Variants in NRK observed in about 807,000 individuals in gnomAD.
NRK encodes the protein nik-related protein kinase.
A neutral mutation model predicts 125.2 loss-of-function variants in NRK; 67 were observed. The ratio of observed to expected loss-of-function variants is 0.54; its 90% CI spans 0.44 to 0.66. The LOEUF (loss-of-function observed/expected upper bound fraction) is 0.66, where lower values mean the gene tolerates loss of function less well. Ranked by LOEUF, NRK falls within the 30% of genes least tolerant of loss-of-function variation. The pLI is 0.00. For missense variants in NRK, 1,224 were observed against 1,192.9 expected (o/e 1.03, Z -0.38); for synonymous variants, 458 against 429.0 (o/e 1.07, Z -0.84).
rs1342659479 is a variant in NRK at position 105,905,327 on chromosome X, G to A, written c.829G>A (p.Val277Ile). The A allele has an allele frequency of 8.4e-7, 1 of 1,192,108 alleles. No individual in the cohort carries two copies. Among genetic ancestry groups the A allele is most frequent in the Non-Finnish European group, 1.1e-6 (1 of 878,737 alleles). ...TATTTTGCGGGAATCTGCTCCCACA[G>A]TCAAATCCAGCGGATGGTAAAGATG... Reference protein sequence around the residue: ...FVILRESAPTVKSSGWSRKFH... With the variant: ...FVILRESAPTIKSSGWSRKFH... The change falls in exon 10 of 29, where the codon GTC (valine) becomes ATC (isoleucine). Residue 277 changes from valine (V) to isoleucine (I), a missense_variant. By Grantham distance (29) the Val-to-Ile change is conservative. Coordinates refer to ENST00000243300, the MANE Select transcript of NRK (RefSeq NM_198465.4).
intron 2 of NRK, among the ~76,000 whole-genome samples, chrX:105,842,504 A>G (rs940827297): frequency 2.7e-5 from 3 of 112,257 alleles, no homozygotes; most frequent in African/African-American, 9.7e-5. Flanking sequence ...AATGAAAGTT[A>G]GTGCTTTGCT....
intron 7 of NRK, 121 bp from the exon 8 acceptor site, chrX:105,898,463 A>G (rs1447130092): frequency 1.7e-6 from 1 of 585,630 alleles, no homozygotes; most frequent in African/African-American, 2.4e-5. Flanking sequence ...AAAGTTTGCT[A>G]GGCTGGAATG....
At chrX:105,948,437 G>A in intron 26 of NRK, 1 of 296,320 alleles carries the variant, frequency 3.4e-6, no homozygotes, top group Non-Finnish European at 5.8e-6. Context: ...AAGAGTGCTA[G>A]ATTACAAAAG....
rs747324162 is a variant in NRK, at chrX:105,909,680, A to T, written c.2039A>T (p.Gln680Leu). 2 of 1,189,697 alleles carry T rather than the reference A, an allele frequency of 1.7e-6. No individual in the cohort carries two copies. Among genetic ancestry groups the T allele is most frequent in the Admixed American group, 2.3e-5 (1 of 42,734 alleles). Residue 680 changes from glutamine to leucine, a missense_variant, in exon 13 of 29, where the codon CAG becomes CTG. Coordinates refer to ENST00000243300, the MANE Select transcript of NRK (RefSeq NM_198465.4). ...SSNRFYSQPEQAREKKSKVST... is the reference protein window; with the variant it reads ...SSNRFYSQPELAREKKSKVST... ...AATAGGTTTTACTCACAACCAGAAC[A>T]GGCACGGGAGAAAAAATCAAAAGTT...
chrX:105,896,200 T>C (rs764477289), intron 7 of NRK, among the ~76,000 whole-genome samples: 3 of 112,131 alleles, frequency 2.7e-5, no homozygotes, highest in South Asian at 7.4e-4. Flanking sequence ...ATGTGTAAAA[T>C]AAATATCAAT....
In NRK at chrX:105,886,992, A is replaced by G. The variant is rs564628433; in HGVS notation, c.253-1302A>G. On this transcript the variant is annotated intron_variant, in intron 4 of 28. Coordinates refer to ENST00000243300, the MANE Select transcript of NRK (RefSeq NM_198465.4). ...GCTAAAACTATAAAATGCTTAGAAGAAAACAAGGATAAAGCTTTGTGACCT... is the reference window on the plus strand; with the variant it reads ...GCTAAAACTATAAAATGCTTAGAAGGAAACAAGGATAAAGCTTTGTGACCT... 3.3e-4 allele frequency among the ~76,000 whole-genome samples: 37 copies of G among 111,504 alleles called. 1 individual carries two copies. In the South Asian group the frequency reaches 6.3e-3, roughly 19 times the overall value.
At chrX:105,903,287 T>C (rs1263243854) in intron 9 of NRK, among the ~76,000 whole-genome samples, 1 of 110,743 alleles carries the variant, frequency 9.0e-6, no homozygotes, top group Non-Finnish European at 1.9e-5. Flanking sequence ...ATATTCTCAA[T>C]GATGCTTCTT....
intron 2 of NRK, among the ~76,000 whole-genome samples, chrX:105,871,485 AACACACACAC>A (rs112464085): frequency 9.6e-6 from 1 of 104,673 alleles, no homozygotes; most frequent in African/African-American, 3.5e-5. Context: ...ACACCCCACC[AACACACACAC>A]ACACACACAC....
Position 105,827,318 on chromosome X carries a change from CCTT to C in NRK, c.58-3732_58-3730del, listed in dbSNP as rs1283938113. 8.0e-5 allele frequency among the ~76,000 whole-genome samples: 9 copies of C among 112,195 alleles called. No individual in the cohort carries two copies. The South Asian group carries it at 1.1e-3, about 14-fold the overall frequency. On this transcript the variant is annotated intron_variant, in intron 1 of 28. Coordinates refer to ENST00000243300, the MANE Select transcript of NRK (RefSeq NM_198465.4). The stretch of plus-strand genomic sequence containing the variant: ...TCTCCTTCAAGGTACTGTGCAGTCT[CCTT>C]CTTTTTGCAGCCTGACTGCTGGAGC...
chrX:105,906,764 CGTGTGTGTGTGTGTGTGTGT>C (rs61655627), intron 11 of NRK, among the ~76,000 whole-genome samples, 175 bp downstream of exon 11: 7 of 87,537 alleles, frequency 8.0e-5, no homozygotes, highest in Non-Finnish European at 1.4e-4. Context: ...TTTTCTCTTG[CGTGTGTGTGTGTGTGTGTGT>C]GTGTGTGTGT....
chrX:105,824,378 A>T (rs1221216588), intron 1 of NRK, among the ~76,000 whole-genome samples: 3 of 110,987 alleles, frequency 2.7e-5, no homozygotes, highest in Non-Finnish European at 5.7e-5. Flanking sequence ...CACCCAAGTA[A>T]AAGTATAAAA....
chrX:105,874,296 A>G (rs1374153846), intron 2 of NRK, among the ~76,000 whole-genome samples: 1 of 112,295 alleles, frequency 8.9e-6, no homozygotes, highest in Non-Finnish European at 1.9e-5. Context: ...TTATAAAACA[A>G]AAGTGGAAAT....
chrX:105,948,628 A>T (rs1399251939), intron 26 of NRK: 5 of 486,243 alleles, frequency 1.0e-5, no homozygotes, highest in Admixed American at 9.5e-5. Flanking sequence ...TTTTTTTCTG[A>T]TTCAATTGCT....
intron 27 of NRK, among the ~76,000 whole-genome samples, chrX:105,952,055 GTCT>G (rs2040906414): frequency 8.9e-6 from 1 of 111,894 alleles, no homozygotes; most frequent in Non-Finnish European, 1.9e-5. Flanking sequence ...GACTTATAAA[GTCT>G]TCTTCCAGGA....
chrX:105,822,642 C>A lies in NRK; in HGVS notation c.-204C>A, dbSNP rs917629230. On this transcript the variant is annotated 5_prime_UTR_variant, in exon 1 of 29. Transcript: ENST00000243300. ...TAGCCCAACTTGCTTTCCCGCCTCGCAAACTCCGGTTTCCCTCCACTCCCA... is the reference window on the plus strand; with the variant it reads ...TAGCCCAACTTGCTTTCCCGCCTCGAAAACTCCGGTTTCCCTCCACTCCCA... 3.4e-5 allele frequency: 16 copies of A among 465,481 alleles called. No individual in the cohort carries two copies. The highest frequency in any genetic ancestry group is 3.4e-5 in the Non-Finnish European group (9 of 265,429). The allele number at this position is 465,481 out of a possible 1,213,427, so 38.4% of individuals were successfully genotyped here. A position where few individuals can be genotyped will look rare whatever the true frequency, so the allele number is the denominator to read the frequency against.
At chrX:105,842,809 G>A (rs773369385) in intron 2 of NRK, among the ~76,000 whole-genome samples, 2 of 110,943 alleles carry the variant, frequency 1.8e-5, no homozygotes, top group East Asian at 5.7e-4. Flanking sequence ...GTAAATACAA[G>A]GTGTGCTATT....
chrX:105,912,687 C>T lies in NRK; in HGVS notation c.2281C>T (p.His761Tyr). Residue 761 changes from histidine (H) to tyrosine (Y), a missense_variant, in exon 14 of 29, where the codon CAT (histidine) becomes TAT (tyrosine). By Grantham distance (83) the His-to-Tyr change is moderately conservative (BLOSUM62 2). Coordinates refer to ENST00000243300, the MANE Select transcript of NRK (RefSeq NM_198465.4). ...DESSDNDEVF[H>Y]SIQAEVQIEP... ...ATCATCAGACAATGATGAAGTATTTCATTCGATTCAGGCTGAAGTCCAGAT... is the reference window on the plus strand; with the variant it reads ...ATCATCAGACAATGATGAAGTATTTTATTCGATTCAGGCTGAAGTCCAGAT... 1 of 1,126,633 alleles carries T rather than the reference C, an allele frequency of 8.9e-7. No individual in the cohort carries two copies. The highest frequency in any genetic ancestry group is 3.3e-5 in the East Asian group (1 of 30,440). 92.8% of individuals were successfully genotyped at this position (1,126,633 alleles called of 1,213,427 possible). A position where few individuals can be genotyped will look rare whatever the true frequency, so the allele number is the denominator to read the frequency against.
At chrX:105,928,765 T>A in intron 19 of NRK, among the ~76,000 whole-genome samples, 1 of 111,730 alleles carries the variant, frequency 9.0e-6, no homozygotes, top group African/African-American at 3.2e-5. Flanking sequence ...GCATATATTT[T>A]TAATTTCCAT....
intron 4 of NRK, among the ~76,000 whole-genome samples, chrX:105,884,979 T>C (rs188103162): frequency 6.3e-5 from 7 of 110,916 alleles, no homozygotes; most frequent in African/African-American, 2.0e-4. Context: ...TTAGTAGAGA[T>C]GGGGTTCCAC....
Sources: gnomAD v4.1 joint callset for allele counts (sites outside exome capture counted in the v4.1 genomes callset) on GRCh38, gnomAD v4.1.1 for gene constraint, MANE v1.5 for transcripts, NCBI Gene and HGNC (gene_info 2026-07-23, HGNC 2026-07-21) for gene names.